The following IL3RA variants were observed in gnomAD, a reference collection of about 807,000 sequenced individuals.
IL3RA encodes interleukin-3 receptor subunit alpha.
In IL3RA, 73 loss-of-function variants were observed where a neutral mutation model predicts 52.3. That is an observed-to-expected ratio of 1.40 (90% confidence interval 1.16 to 1.70). IL3RA has a LOEUF of 1.70. Ranked by LOEUF, IL3RA falls within the 40% of genes most tolerant of loss-of-function variation. The pLI, the probability that IL3RA is intolerant of heterozygous loss-of-function variation, is 0.00. For synonymous variants in IL3RA, 260 were observed against 194.0 expected (o/e 1.34, Z -2.83); for missense variants, 664 against 504.4 (o/e 1.32, Z -3.03).
At chrX:1,362,645 T>G (rs1365488954) in intron 8 of IL3RA, among the ~76,000 whole-genome samples, 12 of 152,192 alleles carry the variant, frequency 7.9e-5, no homozygotes, top group Non-Finnish European at 1.5e-4. Context: ...TTTCATGGAC[T>G]AATGAGGATC....
intron 9 of IL3RA, among the ~76,000 whole-genome samples, chrX:1,370,300 C>T (rs1219695068): frequency 1.2e-4 from 1 of 8,392 alleles, no homozygotes; most frequent in Non-Finnish European, 1.7e-4. Context: ...TAAGAAGAGA[C>T]GAGGACACAG....
At chrX:1,361,727 T>G in intron 8 of IL3RA, among the ~76,000 whole-genome samples, 1 of 127,402 alleles carries the variant, frequency 7.8e-6, no homozygotes. Flanking sequence ...CACTCCAGCC[T>G]GGGTGACAGA....
intron 9 of IL3RA, among the ~76,000 whole-genome samples, chrX:1,377,232 T>C (rs1467250799): frequency 3.3e-5 from 5 of 152,180 alleles, no homozygotes; most frequent in African/African-American, 4.8e-5. Flanking sequence ...TTTTTCTTTT[T>C]CTTTTTTCTT....
chrX:1,355,419 A>AGGAGGGGC (rs1556626148), intron 6 of IL3RA, among the ~76,000 whole-genome samples: 3 of 76,844 alleles, frequency 3.9e-5, no homozygotes, highest in African/African-American at 1.1e-4. Flanking sequence ...GCGGAGGGGG[A>AGGAGGGGC]GGAGGGGAGG....
intron 10 of IL3RA, among the ~76,000 whole-genome samples, chrX:1,379,326 T>C (rs1325462373): frequency 6.6e-6 from 1 of 151,998 alleles, no homozygotes; most frequent in Non-Finnish European, 1.5e-5. Context: ...CAACTAATTC[T>C]TGTATTTTTA....
intron 4 of IL3RA, among the ~76,000 whole-genome samples, chrX:1,350,181 G>T (rs1332602616): frequency 2.0e-5 from 3 of 151,372 alleles, no homozygotes; most frequent in Non-Finnish European, 2.9e-5. Context: ...GAGGCCGGGC[G>T]CAGTGGCTCA....
intron 8 of IL3RA, among the ~76,000 whole-genome samples, chrX:1,364,853 G>A (rs2036227574): frequency 6.6e-6 from 1 of 151,484 alleles, no homozygotes; most frequent in African/African-American, 2.4e-5. Flanking sequence ...CTGTTGCCCA[G>A]GCTGCAGTGC....
In IL3RA at chrX:1,378,747, C is replaced by A; in HGVS notation, c.963C>A (p.Val321=). 6.2e-7 allele frequency: 1 copy of A among 1,612,452 alleles called. No individual in the cohort carries two copies. Among genetic ancestry groups the A allele is most frequent in the Non-Finnish European group, 8.5e-7 (1 of 1,179,838 alleles). The change falls in exon 10 of 12, where the codon GTC becomes GTA. Residue 321 remains valine, a synonymous_variant. Coordinates refer to ENST00000331035, the MANE Select transcript of IL3RA (RefSeq NM_002183.4). ...GGACGCTGCTGGCCCTGGTCTGTGT[C>A]TTCGTGATCTGCAGAAGGTGAGCCC... ...ALGTLLALVC[V]FVICRRYLVM...
At chrX:1,342,560 T>TTC (rs1491444002) in intron 2 of IL3RA, among the ~76,000 whole-genome samples, 1 of 48,104 alleles carries the variant, frequency 2.1e-5, no homozygotes, top group Non-Finnish European at 3.8e-5. Flanking sequence ...CTTTAACTTC[T>TTC]TTTTTTTTTT....
intron 9 of IL3RA, among the ~76,000 whole-genome samples, chrX:1,374,096 A>G (rs2088639518): frequency 1.7e-5 from 1 of 57,684 alleles, no homozygotes; most frequent in Non-Finnish European, 2.8e-5. Flanking sequence ...GGCGTCTCCA[A>G]GCCCAGGAGA....
chrX:1,352,483 A>G lies in IL3RA; in HGVS notation c.593A>G (p.Lys198Arg). The change falls in exon 6 of 12, where the codon AAG becomes AGG. Residue 198 changes from lysine to arginine, a missense_variant. Coordinates refer to ENST00000331035, the MANE Select transcript of IL3RA (RefSeq NM_002183.4). ...GCCTTCGGTATCCCCTGCACAGATA[A>G]GTTTGTCGTCTTTTCACAGATTGGT... is the stretch of plus-strand genomic sequence containing the variant. ...SAAFGIPCTDKFVVFSQIEIL... is the reference protein window; with the variant it reads ...SAAFGIPCTDRFVVFSQIEIL... 1.9e-6 allele frequency: 3 copies of G among 1,613,630 alleles called. No individual in the cohort carries two copies. The highest frequency in any genetic ancestry group is 2.5e-6 in the Non-Finnish European group (3 of 1,179,782).
chrX:1,377,227 CTTTTTCT>C (rs1445911589), intron 9 of IL3RA, among the ~76,000 whole-genome samples: 3 of 152,176 alleles, frequency 2.0e-5, no homozygotes, highest in East Asian at 1.9e-4. Flanking sequence ...TTCCTTTTTT[CTTTTTCT>C]TTTTTCTTTT....
chrX:1,352,454 C>G lies in IL3RA; in HGVS notation c.564C>G (p.Ser188Arg). 1 of 1,613,844 alleles carries G rather than the reference C, an allele frequency of 6.2e-7. No homozygotes were observed. Among genetic ancestry groups the G allele is most frequent in the Non-Finnish European group, 8.5e-7 (1 of 1,179,856 alleles). ...CCCACATCCTGGTGCGGGGCAGGAG[C>G]GCAGCCTTCGGTATCCCCTGCACAG... ...QSSHILVRGR[S>R]AAFGIPCTDK... The change falls in exon 6 of 12, where the codon AGC becomes AGG. Residue 188 changes from serine to arginine, a missense_variant. Ser to Arg is a moderately radical substitution (Grantham distance 110). Coordinates refer to ENST00000331035, the MANE Select transcript of IL3RA (RefSeq NM_002183.4).
chrX:1,363,217 G>A (rs1324916044), intron 8 of IL3RA, among the ~76,000 whole-genome samples: 5 of 152,090 alleles, frequency 3.3e-5, no homozygotes, highest in Non-Finnish European at 7.4e-5. Flanking sequence ...AGGTGCTGGG[G>A]GCTAAGACTG....
chrX:1,361,752 C>T (rs2087403599), intron 8 of IL3RA, among the ~76,000 whole-genome samples: 1 of 70,608 alleles, frequency 1.4e-5, no homozygotes, highest in Non-Finnish European at 2.5e-5. Flanking sequence ...GACTCCGTCT[C>T]GAGAAAAAAA....
intron 10 of IL3RA, 61 bp from the exon 11 acceptor site, chrX:1,380,962 T>C (rs1444322726): frequency 8.7e-6 from 12 of 1,380,606 alleles, no homozygotes; most frequent in African/African-American, 1.4e-5. Context: ...ACACGCTGTG[T>C]CCCAGATGAT....
intron 9 of IL3RA, 115 bp from the exon 10 acceptor site, chrX:1,378,544 C>A: frequency 1.2e-6 from 1 of 863,302 alleles, no homozygotes; most frequent in Non-Finnish European, 1.9e-6. Context: ...CCCCCCTGGA[C>A]GCCACCCCAT....
At chrX:1,348,370 T>C in intron 3 of IL3RA, 61 bp from the exon 4 acceptor site, 1 of 1,317,952 alleles carries the variant, frequency 7.6e-7, no homozygotes, top group Non-Finnish European at 1.1e-6. Flanking sequence ...AATCTGAACA[T>C]CATTAGCGTC....
chrX:1,360,899 C>T (rs1445495993), intron 8 of IL3RA, among the ~76,000 whole-genome samples: 24 of 141,382 alleles, frequency 1.7e-4, no homozygotes, highest in African/African-American at 5.7e-4. Context: ...CTCCCTTCCC[C>T]TCTCTGTCTC....
Sources: gnomAD v4.1 joint callset for allele counts (sites outside exome capture counted in the v4.1 genomes callset) on GRCh38, gnomAD v4.1.1 for gene constraint, MANE v1.5 for transcripts, NCBI Gene and HGNC (gene_info 2026-07-23, HGNC 2026-07-21) for gene names.